Variants in RHOBTB2 observed in about 807,000 individuals in gnomAD.
RHOBTB2 encodes the protein Rho related BTB domain containing 2, also known as rho-related BTB domain-containing protein 2.
Under a neutral mutation model 66.5 loss-of-function variants are expected in RHOBTB2, and 39 were observed. The ratio of observed to expected loss-of-function variants is 0.59; its 90% CI spans 0.45 to 0.77. RHOBTB2 has a LOEUF of 0.77. RHOBTB2 is among the 30% of genes least tolerant of loss of function. RHOBTB2 has a pLI of 0.00. For synonymous variants in RHOBTB2, 390 were observed against 395.0 expected (o/e 0.99, Z 0.15); for missense variants, 755 against 999.1 (o/e 0.76, Z 3.29).
the RHOBTB2 span, among the ~76,000 whole-genome samples, chr8:22,975,617 G>A: frequency 5.1e-4 from 78 of 152,302 alleles, no homozygotes; most frequent in African/African-American, 1.8e-3. Flanking sequence ...CAAACCTGAC[G>A]GATGGGCAGA....
rs539621721 is a variant in RHOBTB2, at chr8:23,001,871, G to A, written c.-11+1766G>A. Among the ~76,000 whole-genome samples, 20 of 152,322 alleles carry A rather than the reference G, an allele frequency of 1.3e-4. 1 individual carries two copies. Among genetic ancestry groups the A allele is most frequent in the South Asian group, 4.1e-4 (2 of 4,832 alleles). On this transcript the variant is annotated intron_variant, in intron 1 of 9. Coordinates refer to ENST00000251822, the MANE Select transcript of RHOBTB2 (RefSeq NM_015178.3). ...CTGGGGAATGGATGGAAGGGGTTGC[G>A]CAACCCAGAAGGTCTGATGTCTAAA...
rs887821551 is a variant in RHOBTB2, at chr8:23,004,083, A to C, written c.-10-342A>C. 2 of 360,776 alleles carry C rather than the reference A, an allele frequency of 5.5e-6. No homozygotes were observed. The highest frequency in any genetic ancestry group is 1.1e-5 in the Non-Finnish European group (2 of 187,164). 22.3% of individuals were successfully genotyped at this position (360,776 alleles called of 1,614,324 possible). Reference sequence around the variant, plus strand: ...GAAGGAGGAGGAGAGCAGATGAGTGAGCTGCCCTCTCTGGAGAGGGGACAG... The same window carrying C: ...GAAGGAGGAGGAGAGCAGATGAGTGCGCTGCCCTCTCTGGAGAGGGGACAG... On this transcript the variant is annotated intron_variant, in intron 1 of 9. Coordinates refer to ENST00000251822, the MANE Select transcript of RHOBTB2 (RefSeq NM_015178.3). The surrounding 1 kb of genome is among the most constrained non-coding windows in gnomAD (Gnocchi z 6.4).
At position 23,004,865 on chromosome 8, in the gene RHOBTB2, TC is replaced by T; in HGVS notation, c.192+240del. On this transcript the variant is annotated intron_variant, in intron 2 of 9. Coordinates refer to ENST00000251822, the MANE Select transcript of RHOBTB2 (RefSeq NM_015178.3). The surrounding 1 kb of genome is among the most constrained non-coding windows in gnomAD (Gnocchi z 6.4). ...GACTGAGCTGGTGCCTGGGACTCCA[TC>T]TTTGTCTGGGGTACCGCATTGTATG... 1.0e-5 allele frequency: 6 copies of T among 576,138 alleles called. No homozygotes were observed. Among genetic ancestry groups the T allele is most frequent in the Non-Finnish European group, 1.6e-5 (5 of 321,796 alleles). 35.7% of individuals were successfully genotyped at this position (576,138 alleles called of 1,614,324 possible). A position where few individuals can be genotyped will look rare whatever the true frequency, so the allele number is the denominator to read the frequency against.
chr8:22,967,131 C>T, the RHOBTB2 span, among the ~76,000 whole-genome samples: 1 of 152,098 alleles, frequency 6.6e-6, no homozygotes, highest in Non-Finnish European at 1.5e-5. Flanking sequence ...TGAAGCAACC[C>T]AAGTGTCCAT....
chr8:22,976,695 A>G, the RHOBTB2 span, among the ~76,000 whole-genome samples: 1 of 152,050 alleles, frequency 6.6e-6, no homozygotes, highest in Admixed American at 6.5e-5. Flanking sequence ...GTGCCATCTC[A>G]GCTCACTGAA....
At chr8:22,977,687 A>G in the RHOBTB2 span, among the ~76,000 whole-genome samples, 1 of 152,140 alleles carries the variant, frequency 6.6e-6, no homozygotes, top group Non-Finnish European at 1.5e-5. Context: ...ACCCATTGAT[A>G]GTAGTATTAG....
At chr8:22,980,185 G>A in the RHOBTB2 span, among the ~76,000 whole-genome samples, 1 of 151,910 alleles carries the variant, frequency 6.6e-6, no homozygotes, top group Non-Finnish European at 1.5e-5. Context: ...AGATTAATAG[G>A]AGAAAAAAAG....
intron 1 of RHOBTB2, among the ~76,000 whole-genome samples, chr8:22,988,163 T>C (rs1810331630): frequency 7.0e-6 from 1 of 143,200 alleles, no homozygotes; most frequent in South Asian, 2.4e-4. Context: ...CTTTTTTTTT[T>C]TTTTTTTTTT....
In RHOBTB2 at chr8:23,017,563, C is replaced by G. The variant is rs1585198963; in HGVS notation, c.*94C>G. On this transcript the variant is annotated 3_prime_UTR_variant, in exon 10 of 10. Coordinates refer to ENST00000251822, the MANE Select transcript of RHOBTB2 (RefSeq NM_015178.3). The surrounding 1 kb of genome is among the most constrained non-coding windows in gnomAD (Gnocchi z 5.3). ...ATCACCCCATCCACCTTACAGGGACCAGGGGGCCCACGTAACCAGGACCCA... is the reference window on the plus strand; with the variant it reads ...ATCACCCCATCCACCTTACAGGGACGAGGGGGCCCACGTAACCAGGACCCA... 6.6e-7 allele frequency: 1 copy of G among 1,511,130 alleles called. No individual in the cohort carries two copies. The highest frequency in any genetic ancestry group is 8.9e-7 in the Non-Finnish European group (1 of 1,123,698). 93.6% of individuals were successfully genotyped at this position (1,511,130 alleles called of 1,614,324 possible).
chr8:22,990,778 G>A (rs1026120891), intron 1 of RHOBTB2, among the ~76,000 whole-genome samples: 4 of 152,130 alleles, frequency 2.6e-5, no homozygotes, highest in Non-Finnish European at 5.9e-5. Flanking sequence ...TGTGGCCCCC[G>A]CCGCTCAACC....
chr8:22,984,014 G>A (rs1332042896), upstream of RHOBTB2, among the ~76,000 whole-genome samples: 10 of 152,260 alleles, frequency 6.6e-5, no homozygotes, highest in African/African-American at 1.4e-4. Flanking sequence ...GATTACAGGC[G>A]TGAGCCACTG....
chr8:22,972,256 A>C, the RHOBTB2 span, among the ~76,000 whole-genome samples: 1 of 152,136 alleles, frequency 6.6e-6, no homozygotes, highest in African/African-American at 2.4e-5. Flanking sequence ...AAAAGTTTTC[A>C]TTTCTTTTAA....
the RHOBTB2 span, among the ~76,000 whole-genome samples, chr8:22,976,165 A>C: frequency 6.6e-6 from 1 of 151,722 alleles, no homozygotes; most frequent in African/African-American, 2.4e-5. Flanking sequence ...ATAAATAAAT[A>C]ATAAAATAAA....
chr8:22,963,213 G>A, the RHOBTB2 span, among the ~76,000 whole-genome samples: 2 of 152,208 alleles, frequency 1.3e-5, no homozygotes, highest in Non-Finnish European at 2.9e-5. Flanking sequence ...TGGGAAAGAA[G>A]AGGGGAAAGG....
the RHOBTB2 span, among the ~76,000 whole-genome samples, chr8:22,977,571 C>A: frequency 8.6e-4 from 118 of 136,534 alleles, no homozygotes; most frequent in Middle Eastern, 3.8e-3. Context: ...GACCCTTTCT[C>A]AAAAAAAAAA....
the RHOBTB2 span, among the ~76,000 whole-genome samples, chr8:22,968,187 T>G: frequency 5.3e-5 from 8 of 152,088 alleles, no homozygotes; most frequent in African/African-American, 1.9e-4. Context: ...ATGGTAAGTT[T>G]TATGTTATGA....
intron 2 of RHOBTB2, 139 bp from the exon 3 acceptor site, chr8:23,005,233 G>T (rs1329570674): frequency 3.1e-6 from 2 of 640,378 alleles, no homozygotes; most frequent in Admixed American, 4.7e-5. Flanking sequence ...AGGGTGCACA[G>T]TGGGCGATGC....
At chr8:22,959,204 A>G in the RHOBTB2 span, among the ~76,000 whole-genome samples, 33 of 152,086 alleles carry the variant, frequency 2.2e-4, no homozygotes, top group Non-Finnish European at 3.8e-4. Flanking sequence ...CCATCCAGCC[A>G]CATCCTGGGG....
At chr8:23,014,546 C>T (rs965252080) in intron 7 of RHOBTB2, 144 bp from the exon 8 acceptor site, 1 of 664,850 alleles carries the variant, frequency 1.5e-6, no homozygotes, top group Non-Finnish European at 2.6e-6. Flanking sequence ...CAGCAGACGT[C>T]ATAGCCTGGG....
Sources: allele counts gnomAD v4.1 joint callset (sites outside exome capture counted in the v4.1 genomes callset), GRCh38; gene constraint gnomAD v4.1.1; non-coding constraint Gnocchi (gnomAD v3.1); transcripts MANE v1.5; gene names NCBI Gene and HGNC (gene_info 2026-07-23, HGNC 2026-07-21).